GALNTL6: variants seen among roughly 807,000 people sequenced by gnomAD.
GALNTL6 encodes polypeptide N-acetylgalactosaminyltransferase-like 6.
GALNTL6 carries 46 observed loss-of-function variants against 73.7 expected under a neutral mutation model. That is an observed-to-expected ratio of 0.62 (90% CI 0.49 to 0.80). The LOEUF (loss-of-function observed/expected upper bound fraction) is 0.80, where lower values mean the gene tolerates loss of function less well. Among genes scored for constraint, GALNTL6 ranks in the 30% least tolerant of loss-of-function variants. GALNTL6 has a pLI of 0.00. For synonymous variants in GALNTL6, 259 were observed against 263.7 expected, an observed-to-expected ratio of 0.98 and a Z score of 0.17; for missense variants, 604 against 755.0, an observed-to-expected ratio of 0.80 and a Z score of 2.34.
intron 5 of GALNTL6, among the ~76,000 whole-genome samples, chr4:172,653,268 G>C (rs2111157338): frequency 6.7e-6 from 1 of 149,732 alleles, no homozygotes; most frequent in South Asian, 2.1e-4. Flanking sequence ...GCCCAAGCTG[G>C]AGTGCAATGG....
At chr4:173,038,989 C>T (rs1232367112) in intron 12 of GALNTL6, among the ~76,000 whole-genome samples, 4 of 152,174 alleles carry the variant, frequency 2.6e-5, no homozygotes, top group Admixed American at 2.6e-4. Context: ...TTATAGACAA[C>T]ATTAGAGGTA....
At chr4:172,810,621 A>C (rs568835868) in intron 6 of GALNTL6, among the ~76,000 whole-genome samples, 70 of 152,286 alleles carry the variant, frequency 4.6e-4, no homozygotes, top group African/African-American at 1.7e-3. Flanking sequence ...AAATCAATTG[A>C]AACTGTGTAG....
At chr4:172,561,080 C>T (rs1459476150) in intron 5 of GALNTL6, among the ~76,000 whole-genome samples, 1 of 151,248 alleles carries the variant, frequency 6.6e-6, no homozygotes, top group Non-Finnish European at 1.5e-5. Flanking sequence ...GGTGAAACCC[C>T]ATCTCTACTA....
chr4:172,502,964 TAAATATTACAG>T (rs1006941430), intron 5 of GALNTL6, among the ~76,000 whole-genome samples: 9 of 152,146 alleles, frequency 5.9e-5, no homozygotes, highest in African/African-American at 1.7e-4. Context: ...AATAGCAAAC[TAAATATTACAG>T]AAATCTCGGA....
chr4:172,483,359 G>A (rs1467203829), intron 5 of GALNTL6, among the ~76,000 whole-genome samples: 1 of 152,148 alleles, frequency 6.6e-6, no homozygotes, highest in African/African-American at 2.4e-5. Flanking sequence ...TGTGAAGGGA[G>A]TGCAGAGGGG....
chr4:171,901,343 A>G (rs1333046050), intron 2 of GALNTL6, among the ~76,000 whole-genome samples: 1 of 152,140 alleles, frequency 6.6e-6, no homozygotes, highest in African/African-American at 2.4e-5. Flanking sequence ...AAGCCCCCAC[A>G]AAGGCCTTCT....
At chr4:173,025,537 GGCTTCCTAAAGGGCTGCCCT>G (rs1264000359) in intron 12 of GALNTL6, among the ~76,000 whole-genome samples, 1 of 152,094 alleles carries the variant, frequency 6.6e-6, no homozygotes, top group African/African-American at 2.4e-5. Context: ...TTATTGCAAT[GGCTTCCTAAAGGGCTGCCCT>G]GCTTCCTGTC....
intron 2 of GALNTL6, among the ~76,000 whole-genome samples, chr4:171,946,595 T>C (rs1032150287): frequency 6.6e-6 from 1 of 152,186 alleles, no homozygotes; most frequent in Non-Finnish European, 1.5e-5. Flanking sequence ...AGAAAACTTG[T>C]AGACAAATGA....
chr4:172,563,832 G>T (rs1329213669), intron 5 of GALNTL6, among the ~76,000 whole-genome samples: 1 of 152,038 alleles, frequency 6.6e-6, no homozygotes. Flanking sequence ...CTCCAAATAT[G>T]GTTTTTTTAA....
intron 7 of GALNTL6, among the ~76,000 whole-genome samples, chr4:172,818,648 G>A (rs2111015457): frequency 2.0e-5 from 3 of 152,212 alleles, no homozygotes; most frequent in Middle Eastern, 6.8e-3. Flanking sequence ...ACCCAGGTTG[G>A]AGTGCAGTGG....
At chr4:171,851,048 G>A (rs1344808064) in intron 2 of GALNTL6, among the ~76,000 whole-genome samples, 1 of 152,130 alleles carries the variant, frequency 6.6e-6, no homozygotes, top group African/African-American at 2.4e-5. Flanking sequence ...AAGGCTCAGG[G>A]CATTTCTCGT....
At chr4:172,457,298 C>T (rs1386509871) in intron 5 of GALNTL6, among the ~76,000 whole-genome samples, 1 of 151,658 alleles carries the variant, frequency 6.6e-6, no homozygotes, top group African/African-American at 2.4e-5. Context: ...GAAGAAACTG[C>T]ATCAACTAAC....
intron 5 of GALNTL6, among the ~76,000 whole-genome samples, chr4:172,572,774 C>CT (rs2110953258): frequency 6.6e-6 from 1 of 152,208 alleles, no homozygotes; most frequent in African/African-American, 2.4e-5. Context: ...TTAGATGCTA[C>CT]CATACTTTAC....
chr4:172,550,474 T>C (rs1010927205), intron 5 of GALNTL6, among the ~76,000 whole-genome samples: 8 of 152,374 alleles, frequency 5.3e-5, no homozygotes, highest in Non-Finnish European at 1.2e-4. Context: ...GTTCAGGATA[T>C]AGTCAGTGCC....
chr4:171,978,801 G>A (rs925127839), intron 2 of GALNTL6, among the ~76,000 whole-genome samples: 1 of 149,298 alleles, frequency 6.7e-6, no homozygotes, highest in Admixed American at 6.6e-5. Context: ...TTCAGCTATT[G>A]CATTTTGCAA....
intron 9 of GALNTL6, among the ~76,000 whole-genome samples, chr4:172,950,766 C>T (rs1241387873): frequency 6.6e-6 from 1 of 152,206 alleles, no homozygotes; most frequent in East Asian, 1.9e-4. Context: ...ATGTCTGGTT[C>T]TCATTAAAGT....
chr4:172,404,109 T>C (rs189667871), intron 5 of GALNTL6, among the ~76,000 whole-genome samples: 34 of 152,154 alleles, frequency 2.2e-4, no homozygotes, highest in Admixed American at 2.1e-3. Context: ...TGTAAGTATA[T>C]ATACATACCC....
chr4:172,903,764 G>A (rs2111245682), intron 8 of GALNTL6, among the ~76,000 whole-genome samples: 1 of 152,268 alleles, frequency 6.6e-6, no homozygotes. Flanking sequence ...TCTTAATGCA[G>A]TAATAGAATC....
chr4:172,182,553 C>A (rs1173261328), intron 2 of GALNTL6, among the ~76,000 whole-genome samples: 48 of 127,414 alleles, frequency 3.8e-4, no homozygotes, highest in African/African-American at 1.2e-3. Flanking sequence ...TGAAAAATAC[C>A]AAAAAAAAAA....
Sources: gnomAD v4.1 joint callset for allele counts (sites outside exome capture counted in the v4.1 genomes callset) on GRCh38, gnomAD v4.1.1 for gene constraint, MANE v1.5 for transcripts, NCBI Gene and HGNC (gene_info 2026-07-23, HGNC 2026-07-21) for gene names.